The following BICC1 variants were observed in gnomAD, a reference collection of about 807,000 sequenced individuals.
BICC1 encodes the protein BicC family RNA binding protein 1.
In BICC1, 43 loss-of-function variants were observed where a neutral mutation model predicts 111.0. The ratio of observed to expected loss-of-function variants is 0.39; its 90% confidence interval spans 0.30 to 0.50. BICC1 has a LOEUF of 0.50. BICC1 is among the 20% of genes least tolerant of loss of function. The pLI, the probability that BICC1 is intolerant of heterozygous loss-of-function variation, is 0.88. For missense variants in BICC1, 1,091 were observed against 1,203.2 expected, an observed-to-expected ratio of 0.91 and a Z score of 1.38; for synonymous variants, 467 against 434.4, an observed-to-expected ratio of 1.07 and a Z score of -0.93.
intron 2 of BICC1, among the ~76,000 whole-genome samples, chr10:58,624,954 TA>T (rs561897310): frequency 2.4e-4 from 37 of 152,328 alleles, no homozygotes; most frequent in African/African-American, 8.2e-4. Flanking sequence ...CTGTGTATAT[TA>T]AAAATATATA....
chr10:58,791,538 C>T (rs553640580), intron 8 of BICC1, among the ~76,000 whole-genome samples: 57 of 152,246 alleles, frequency 3.7e-4, no homozygotes, highest in Non-Finnish European at 7.1e-4. Flanking sequence ...GAGTTCAAGA[C>T]CAGCCTGGCC....
chr10:58,728,238 T>A (rs1474701256), intron 3 of BICC1, among the ~76,000 whole-genome samples: 1 of 152,260 alleles, frequency 6.6e-6, no homozygotes, highest in African/African-American at 2.4e-5. Flanking sequence ...ACAATTGTCA[T>A]CAATCCTCTG....
chr10:58,628,945 C>T (rs140290572), intron 2 of BICC1, among the ~76,000 whole-genome samples: 1 of 152,188 alleles, frequency 6.6e-6, no homozygotes, highest in African/African-American at 2.4e-5. Context: ...ACTCTAAGCT[C>T]TTGACCTGAC....
At chr10:58,536,645 C>T (rs934695716) in intron 1 of BICC1, among the ~76,000 whole-genome samples, 14 of 151,492 alleles carry the variant, frequency 9.2e-5, no homozygotes, top group Admixed American at 1.3e-4. Flanking sequence ...TAATGTCATG[C>T]CTCAGGGAAC....
At chr10:58,594,096 C>T (rs182940584) in intron 1 of BICC1, among the ~76,000 whole-genome samples, 28 of 151,232 alleles carry the variant, frequency 1.9e-4, no homozygotes, top group African/African-American at 6.8e-4. Flanking sequence ...TATCAGTAGC[C>T]GAATCCATCA....
intron 1 of BICC1, among the ~76,000 whole-genome samples, chr10:58,516,526 T>G: frequency 6.6e-6 from 1 of 152,128 alleles, no homozygotes; most frequent in Non-Finnish European, 1.5e-5. Flanking sequence ...GTCTAATTAC[T>G]ACTTCGAAAC....
intron 2 of BICC1, among the ~76,000 whole-genome samples, chr10:58,680,794 A>G (rs1564549668): frequency 1.3e-5 from 2 of 152,266 alleles, no homozygotes; most frequent in African/African-American, 4.8e-5. Flanking sequence ...TACAGTAACC[A>G]AAACAGCATA....
intron 17 of BICC1, among the ~76,000 whole-genome samples, chr10:58,808,176 C>G (rs1396553731): frequency 2.0e-5 from 3 of 151,160 alleles, no homozygotes; most frequent in African/African-American, 7.3e-5. Context: ...ATAGTAGCAA[C>G]ATGGCAGGCT....
intron 3 of BICC1, among the ~76,000 whole-genome samples, chr10:58,763,750 A>G (rs1173157347): frequency 6.6e-6 from 1 of 152,200 alleles, no homozygotes; most frequent in African/African-American, 2.4e-5. Flanking sequence ...CGTTGAAATT[A>G]AAGAGCATGA....
At chr10:58,728,947 T>A (rs932541056) in intron 3 of BICC1, among the ~76,000 whole-genome samples, 4 of 152,152 alleles carry the variant, frequency 2.6e-5, no homozygotes, top group African/African-American at 9.6e-5. Flanking sequence ...ATTCAGCAAA[T>A]CATACTGCAA....
chr10:58,696,071 C>G (rs1235527617), intron 2 of BICC1, among the ~76,000 whole-genome samples: 1 of 151,908 alleles, frequency 6.6e-6, no homozygotes, highest in Non-Finnish European at 1.5e-5. Context: ...TAAACATTAC[C>G]TTCCCTTCCT....
At chr10:58,603,919 C>T (rs757853726) in intron 1 of BICC1, among the ~76,000 whole-genome samples, 6 of 152,102 alleles carry the variant, frequency 3.9e-5, no homozygotes, top group Non-Finnish European at 7.4e-5. Context: ...TAATTAAGTA[C>T]GTAATAAGTA....
At chr10:58,785,873 A>C (rs897690689) in intron 4 of BICC1, among the ~76,000 whole-genome samples, 7 of 152,170 alleles carry the variant, frequency 4.6e-5, no homozygotes, top group African/African-American at 9.7e-5. Flanking sequence ...ATTTCATTAG[A>C]ATGATCTCCC....
rs775944489 is a variant in BICC1 at position 58,800,900 on chromosome 10, T to A, written c.1869T>A (p.Asp623Glu). Residue 623 changes from aspartate to glutamate, a missense_variant, in exon 14 of 21, where the codon GAT becomes GAA. By Grantham distance (45) the Asp-to-Glu change is conservative. Transcript: ENST00000373886. ...PKSSPTEGCN[D>E]AFVEVGMPRS... ...CCTTTTCCTCTGCAGGTTGTAATGA[T>A]GCTTTTGTTGAAGTAGGCATGCCTC... The A allele has an allele frequency of 1.3e-6, 2 of 1,599,648 alleles. No homozygotes were observed. Among genetic ancestry groups the A allele is most frequent in the Non-Finnish European group, 1.7e-6 (2 of 1,174,484 alleles).
intron 1 of BICC1, among the ~76,000 whole-genome samples, chr10:58,563,266 G>A (rs1400228232): frequency 6.6e-6 from 1 of 152,136 alleles, no homozygotes; most frequent in Non-Finnish European, 1.5e-5. Flanking sequence ...CCTGGGGGTT[G>A]CGGGGGAGAC....
At chr10:58,733,142 GA>G (rs1841368917) in intron 3 of BICC1, among the ~76,000 whole-genome samples, 1 of 152,146 alleles carries the variant, frequency 6.6e-6, no homozygotes, top group South Asian at 2.1e-4. Context: ...GATTAAACAT[GA>G]TTGTAGCTAA....
At chr10:58,821,444 A>G (rs1844248380) in intron 20 of BICC1, among the ~76,000 whole-genome samples, 1 of 152,176 alleles carries the variant, frequency 6.6e-6, no homozygotes, top group Non-Finnish European at 1.5e-5. Context: ...AGCAGATAAA[A>G]TTTAAAACCT....
At chr10:58,642,895 A>G (rs1838166044) in intron 2 of BICC1, among the ~76,000 whole-genome samples, 1 of 151,806 alleles carries the variant, frequency 6.6e-6, no homozygotes, top group South Asian at 2.1e-4. Flanking sequence ...TTTTGTAGAG[A>G]TGGGGTCTTT....
At chr10:58,728,620 C>T (rs1208714963) in intron 3 of BICC1, among the ~76,000 whole-genome samples, 1 of 152,086 alleles carries the variant, frequency 6.6e-6, no homozygotes, top group Non-Finnish European at 1.5e-5. Flanking sequence ...ATAATACATC[C>T]TTTCCAGAGG....
Sources: allele counts gnomAD v4.1 joint callset (sites outside exome capture counted in the v4.1 genomes callset), GRCh38; gene constraint gnomAD v4.1.1; transcripts MANE v1.5; gene names NCBI Gene and HGNC (gene_info 2026-07-23, HGNC 2026-07-21).